Variants in SERPINE2 observed in about 807,000 individuals in gnomAD.
SERPINE2 encodes the protein glia-derived nexin.
Under a neutral mutation model 36.3 loss-of-function variants are expected in SERPINE2, and 14 were observed. The ratio of observed to expected loss-of-function variants is 0.39; its 90% CI spans 0.25 to 0.60. The LOEUF is 0.60. Ranked by LOEUF, SERPINE2 falls within the 20% of genes least tolerant of loss-of-function variation. The pLI, the probability that SERPINE2 is intolerant of heterozygous loss-of-function variation, is 0.57. For synonymous variants in SERPINE2, 192 were observed against 191.8 expected (o/e 1.00, Z -0.01); for missense variants, 418 against 499.6 (o/e 0.84, Z 1.56).
At chr2:224,002,010 T>G in intron 1 of SERPINE2, 88 bp from the exon 2 acceptor site, 1 of 1,236,990 alleles carries the variant, frequency 8.1e-7, no homozygotes, top group South Asian at 1.6e-5. Flanking sequence ...AGAGACTCGT[T>G]CTTTCACCCA....
intron 1 of SERPINE2, among the ~76,000 whole-genome samples, chr2:224,024,486 A>G (rs1301993970): frequency 6.6e-6 from 1 of 152,214 alleles, no homozygotes; most frequent in East Asian, 1.9e-4. Context: ...TTTAAGGGCC[A>G]GGGGACGTTT....
intron 1 of SERPINE2, among the ~76,000 whole-genome samples, chr2:224,015,621 C>T (rs573748907): frequency 6.6e-6 from 1 of 152,326 alleles, no homozygotes; most frequent in South Asian, 2.1e-4. Flanking sequence ...CTGCAGAACC[C>T]AACCGGACAG....
chr2:224,000,593 T>G (rs1309904711), intron 2 of SERPINE2, among the ~76,000 whole-genome samples: 2 of 152,158 alleles, frequency 1.3e-5, no homozygotes, highest in Non-Finnish European at 2.9e-5. Context: ...TAGGTACACA[T>G]GTGTCGTGGT....
intron 1 of SERPINE2, among the ~76,000 whole-genome samples, chr2:224,025,344 A>G (rs1692148351): frequency 6.6e-6 from 1 of 152,174 alleles, no homozygotes; most frequent in African/African-American, 2.4e-5. Flanking sequence ...AGCACATCTG[A>G]CCAACTTCTC....
intron 1 of SERPINE2, among the ~76,000 whole-genome samples, chr2:224,036,642 TAA>T (rs59322455): frequency 1.8e-3 from 251 of 142,710 alleles, no homozygotes; most frequent in East Asian, 5.7e-3. Context: ...TAATAAAAAT[TAA>T]AAAAAAAAAA....
rs1574807772 is a variant in SERPINE2, at chr2:223,980,193, C to CCA, written c.1072+116_1072+117dup. ...TCACTGCTGTCTCCTGAGGGTTAAC[C>CCA]CACACACACTGCCTGGCTGGAAAGA... is the stretch of plus-strand genomic sequence containing the variant. On this transcript the variant is annotated intron_variant, in intron 7 of 8. Coordinates refer to ENST00000409304, the MANE Select transcript of SERPINE2 (RefSeq NM_001136528.2). 1.5e-5 allele frequency: 12 copies of CCA among 803,272 alleles called. No homozygotes were observed. In the East Asian group the frequency reaches 2.9e-4, roughly 19 times the overall value. 49.8% of individuals were successfully genotyped at this position (803,272 alleles called of 1,614,324 possible). A position where few individuals can be genotyped will look rare whatever the true frequency, so the allele number is the denominator to read the frequency against.
intron 1 of SERPINE2, among the ~76,000 whole-genome samples, chr2:224,004,185 G>A (rs549280991): frequency 4.5e-4 from 68 of 152,208 alleles, no homozygotes; most frequent in Middle Eastern, 3.4e-3. Context: ...TGATCCTCAC[G>A]GTCAGCTCAA....
chr2:224,036,473 G>A (rs966720138), intron 1 of SERPINE2, among the ~76,000 whole-genome samples: 2 of 150,440 alleles, frequency 1.3e-5, no homozygotes, highest in Admixed American at 1.3e-4. Context: ...ACACACTGGG[G>A]CCTGTGGTGG....
chr2:224,038,856 G>T (rs1448729345), intron 1 of SERPINE2: 1 of 256,572 alleles, frequency 3.9e-6, no homozygotes, highest in East Asian at 7.1e-5. Flanking sequence ...CCCGCTCGGG[G>T]CTCCCGGCGG....
intron 1 of SERPINE2, among the ~76,000 whole-genome samples, chr2:224,019,120 G>A (rs1691901866): frequency 6.6e-6 from 1 of 152,108 alleles, no homozygotes; most frequent in Admixed American, 6.5e-5. Context: ...ACCCTCAGTG[G>A]ATGCCTGAAA....
intron 1 of SERPINE2, among the ~76,000 whole-genome samples, chr2:224,018,002 T>C (rs10933032): frequency 0.94 from 143,848 of 152,276 alleles, 68,302 homozygotes; most frequent in Non-Finnish European, 0.99. Flanking sequence ...TATTTCTTTG[T>C]TATTAGAGGG....
intron 1 of SERPINE2, among the ~76,000 whole-genome samples, chr2:224,036,679 A>G (rs1425317522): frequency 6.6e-6 from 1 of 151,434 alleles, no homozygotes; most frequent in East Asian, 1.9e-4. Flanking sequence ...TCAGGAAGTC[A>G]CAGGCCTTGA....
At chr2:223,983,331 G>A (rs1397853185) in intron 5 of SERPINE2, among the ~76,000 whole-genome samples, 3 of 152,144 alleles carry the variant, frequency 2.0e-5, no homozygotes, top group Non-Finnish European at 4.4e-5. Context: ...TTGGCTCACT[G>A]CAACCTCTGC....
chr2:223,991,030 AT>A (rs2106149223), intron 4 of SERPINE2, among the ~76,000 whole-genome samples: 1 of 152,236 alleles, frequency 6.6e-6, no homozygotes, highest in East Asian at 1.9e-4. Context: ...TACCATTAAT[AT>A]TTTTTACTGA....
At chr2:223,986,725 T>C (rs1690444737) in intron 4 of SERPINE2, among the ~76,000 whole-genome samples, 1 of 152,168 alleles carries the variant, frequency 6.6e-6, no homozygotes, top group African/African-American at 2.4e-5. Context: ...TGGAATGTGT[T>C]CAAGGGAGGA....
intron 1 of SERPINE2, among the ~76,000 whole-genome samples, chr2:224,019,775 A>C (rs1691934580): frequency 7.1e-6 from 1 of 141,296 alleles, no homozygotes; most frequent in Non-Finnish European, 1.5e-5. Context: ...TAAAAAAAAA[A>C]AAAGAATGTA....
Position 224,035,755 on chromosome 2 carries a change from T to C in SERPINE2, c.-23+3344A>G, listed in dbSNP as rs58272396. ...AAATATTAACTCAAGTTGTATATAC[T>C]TTGTTCAGGCCAACAACACTGCTGC... On this transcript the variant is annotated intron_variant, in intron 1 of 8. Coordinates refer to ENST00000409304, the MANE Select transcript of SERPINE2 (RefSeq NM_001136528.2). Among the ~76,000 whole-genome samples the C allele has an allele frequency of 9.1e-4, 138 of 152,306 alleles. 2 individuals carry two copies. The East Asian group carries it at 0.025, about 28-fold the overall frequency.
intron 1 of SERPINE2, among the ~76,000 whole-genome samples, chr2:224,010,622 T>C (rs911015811): frequency 3.3e-5 from 5 of 152,210 alleles, no homozygotes; most frequent in Non-Finnish European, 5.9e-5. Context: ...CCAATCCTAC[T>C]ACCCATTAAC....
chr2:224,023,233 G>A (rs1692073029), intron 1 of SERPINE2, among the ~76,000 whole-genome samples: 1 of 152,182 alleles, frequency 6.6e-6, no homozygotes, highest in South Asian at 2.1e-4. Context: ...TCTCTTGTGA[G>A]TCTGGTAATT....
Sources: gnomAD v4.1 joint callset for allele counts (sites outside exome capture counted in the v4.1 genomes callset) on GRCh38, gnomAD v4.1.1 for gene constraint, MANE v1.5 for transcripts, NCBI Gene and HGNC (gene_info 2026-07-23, HGNC 2026-07-21) for gene names.